The following GAREM1 variants were observed in gnomAD, a reference collection of about 807,000 sequenced individuals.
GAREM1 encodes GRB2-associated and regulator of MAPK protein 1.
Under a neutral mutation model 71.3 loss-of-function variants are expected in GAREM1, and 26 were observed. The observed-to-expected ratio is 0.36, with a 90% CI of 0.27 to 0.51. GAREM1 has a LOEUF of 0.51. GAREM1 is among the 20% of genes least tolerant of loss of function. The pLI is 0.95. For missense variants in GAREM1, 1,026 were observed against 1,103.1 expected (o/e 0.93, Z 0.99); for synonymous variants, 440 against 433.2 (o/e 1.02, Z -0.20).
intron 2 of GAREM1, among the ~76,000 whole-genome samples, chr18:32,322,082 A>G (rs2047434213): frequency 6.6e-6 from 1 of 152,202 alleles, no homozygotes; most frequent in Non-Finnish European, 1.5e-5. Flanking sequence ...CTTTGAGAAA[A>G]GGAGAAGCAG....
intron 2 of GAREM1, among the ~76,000 whole-genome samples, chr18:32,339,352 T>C (rs1407970374): frequency 6.6e-6 from 1 of 152,180 alleles, no homozygotes; most frequent in Non-Finnish European, 1.5e-5. Flanking sequence ...AGAACGACTA[T>C]GTGAAAACAC....
intron 2 of GAREM1, among the ~76,000 whole-genome samples, chr18:32,310,995 GCTC>G (rs1216789719): frequency 1.3e-5 from 2 of 152,124 alleles, no homozygotes; most frequent in African/African-American, 4.8e-5. Context: ...GCTCCATGTG[GCTC>G]CTTTCTTTCC....
intron 2 of GAREM1, among the ~76,000 whole-genome samples, chr18:32,335,760 C>T (rs1201670649): frequency 6.6e-6 from 1 of 152,216 alleles, no homozygotes; most frequent in East Asian, 1.9e-4. Context: ...ATGCTAATGA[C>T]TGCATAATAT....
intron 1 of GAREM1, among the ~76,000 whole-genome samples, chr18:32,402,544 T>G (rs2048325038): frequency 6.6e-6 from 1 of 152,130 alleles, no homozygotes; most frequent in African/African-American, 2.4e-5. Flanking sequence ...TTCTGATCCC[T>G]CCTTGCTATT....
rs2041395008 is a variant in GAREM1 at position 32,267,816 on chromosome 18, C to T, written c.*55G>A. 2.1e-6 allele frequency: 3 copies of T among 1,418,316 alleles called. No individual in the cohort carries two copies. In the South Asian group the frequency reaches 4.0e-5, roughly 19 times the overall value. The allele number at this position is 1,418,316 out of a possible 1,614,324, so 87.9% of individuals were successfully genotyped here. A position where few individuals can be genotyped will look rare whatever the true frequency, so the allele number is the denominator to read the frequency against. On this transcript the variant is annotated 3_prime_UTR_variant, in exon 6 of 6. Transcript: ENST00000269209. ...ACATGAAATTGTGTCCCAGCCCACC[C>T]CTTCTAGCACACGCATTGATCAGTT...
In GAREM1 at chr18:32,457,818, T is replaced by C. The variant is rs1458864; in HGVS notation, c.121+12490A>G. Among the ~76,000 whole-genome samples the C allele has an allele frequency of 0.03, 4,587 of 152,268 alleles. 417 individuals are homozygous for C. In the East Asian group the frequency reaches 0.34, roughly 11 times the overall value. ...ACACGTGCACAACGTGCAGGTTTGT[T>C]ACATATGTATACATGTGCCCTGTTG... On this transcript the variant is annotated intron_variant, in intron 1 of 5. Transcript: ENST00000269209.
chr18:32,397,230 A>G (rs2048266203), intron 1 of GAREM1, among the ~76,000 whole-genome samples: 1 of 152,236 alleles, frequency 6.6e-6, no homozygotes, highest in Non-Finnish European at 1.5e-5. Flanking sequence ...AAGGCTAGGA[A>G]GAAACTGCAT....
intron 2 of GAREM1, among the ~76,000 whole-genome samples, chr18:32,336,479 A>C (rs1001048335): frequency 1.2e-4 from 18 of 151,998 alleles, no homozygotes; most frequent in Non-Finnish European, 1.5e-5. Context: ...AGCAGCAATC[A>C]CAGTGCCCAG....
chr18:32,375,492 C>T (rs1326643671), intron 2 of GAREM1, among the ~76,000 whole-genome samples: 1 of 152,156 alleles, frequency 6.6e-6, no homozygotes, highest in Admixed American at 6.5e-5. Flanking sequence ...CAGTCTAAAT[C>T]TATTGGCTGT....
At chr18:32,435,678 T>C (rs544441276) in intron 1 of GAREM1, among the ~76,000 whole-genome samples, 1 of 152,190 alleles carries the variant, frequency 6.6e-6, no homozygotes, top group Non-Finnish European at 1.5e-5. Context: ...TGTTATGTGA[T>C]AAAAAGTAGT....
At chr18:32,425,912 C>G (rs1309317989) in intron 1 of GAREM1, among the ~76,000 whole-genome samples, 1 of 152,140 alleles carries the variant, frequency 6.6e-6, no homozygotes, top group African/African-American at 2.4e-5. Context: ...ATTAAAGATT[C>G]ACAACTCCTT....
At chr18:32,408,905 T>C (rs1013921516) in intron 1 of GAREM1, among the ~76,000 whole-genome samples, 48 of 152,312 alleles carry the variant, frequency 3.2e-4, no homozygotes, top group African/African-American at 1.1e-3. Context: ...TGTCATATAA[T>C]GCTAACTAAT....
chr18:32,448,247 G>A (rs540237250), intron 1 of GAREM1, among the ~76,000 whole-genome samples: 1 of 152,236 alleles, frequency 6.6e-6, no homozygotes, highest in East Asian at 1.9e-4. Context: ...CTATCTATTT[G>A]CAGCTTTCAC....
intron 5 of GAREM1, among the ~76,000 whole-genome samples, chr18:32,269,430 A>G (rs1347289890): frequency 6.6e-6 from 1 of 152,188 alleles, no homozygotes; most frequent in Non-Finnish European, 1.5e-5. Flanking sequence ...ATGAAACTAG[A>G]GTGTGCTCAA....
intron 2 of GAREM1, among the ~76,000 whole-genome samples, chr18:32,351,015 T>C (rs1453264655): frequency 6.6e-6 from 1 of 152,206 alleles, no homozygotes; most frequent in Admixed American, 6.5e-5. Context: ...TGAATTTTTC[T>C]AGGAACTTAC....
At chr18:32,310,020 G>A (rs1240946385) in intron 3 of GAREM1, among the ~76,000 whole-genome samples, 173 bp downstream of exon 3, 1 of 152,200 alleles carries the variant, frequency 6.6e-6, no homozygotes, top group Non-Finnish European at 1.5e-5. Flanking sequence ...AAATACAGAA[G>A]CAGTCAGGGA....
chr18:32,301,549 T>C (rs1485268127), intron 3 of GAREM1, among the ~76,000 whole-genome samples: 1 of 152,200 alleles, frequency 6.6e-6, no homozygotes, highest in Non-Finnish European at 1.5e-5. Context: ...ATTCAACTTT[T>C]GGACTTTCAG....
intron 2 of GAREM1, among the ~76,000 whole-genome samples, chr18:32,347,964 T>A (rs1368773508): frequency 6.6e-6 from 1 of 152,240 alleles, no homozygotes. Flanking sequence ...GGTTGAGGCC[T>A]CCTTGCTAAT....
Position 32,352,128 on chromosome 18 carries a change from T to A in GAREM1, c.262+40767A>T, listed in dbSNP as rs369342973. On this transcript the variant is annotated intron_variant, in intron 2 of 5. Coordinates refer to ENST00000269209, the MANE Select transcript of GAREM1 (RefSeq NM_001242409.2). ...TGAGCCACTACAGGATACACCATTATCAGAAAACAGGCAGCCACCCATTTA... is the reference window on the plus strand; with the variant it reads ...TGAGCCACTACAGGATACACCATTAACAGAAAACAGGCAGCCACCCATTTA... 7.9e-5 allele frequency among the ~76,000 whole-genome samples: 12 copies of A among 152,292 alleles called. No individual in the cohort carries two copies. In the East Asian group the frequency reaches 2.3e-3, roughly 29 times the overall value.
Sources: gnomAD v4.1 joint callset for allele counts (sites outside exome capture counted in the v4.1 genomes callset) on GRCh38, gnomAD v4.1.1 for gene constraint, MANE v1.5 for transcripts, NCBI Gene and HGNC (gene_info 2026-07-23, HGNC 2026-07-21) for gene names.